MTHFD1L: variants seen among roughly 807,000 people sequenced by gnomAD.
MTHFD1L encodes methylenetetrahydrofolate dehydrogenase (NADP+ dependent) 1 like.
Under a neutral mutation model 119.5 loss-of-function variants are expected in MTHFD1L, and 81 were observed. The observed-to-expected ratio is 0.68, with a 90% CI of 0.57 to 0.82. MTHFD1L has a LOEUF of 0.82. Ranked by LOEUF, MTHFD1L falls within the 40% of genes least tolerant of loss-of-function variation. The pLI, the probability that MTHFD1L is intolerant of heterozygous loss-of-function variation, is 0.00. For missense variants in MTHFD1L, 1,125 were observed against 1,253.4 expected, an observed-to-expected ratio of 0.90 and a Z score of 1.55; for synonymous variants, 430 against 475.2, an observed-to-expected ratio of 0.90 and a Z score of 1.24.
chr6:151,061,609 A>T (rs1028769994), intron 26 of MTHFD1L, among the ~76,000 whole-genome samples: 2 of 152,176 alleles, frequency 1.3e-5, no homozygotes, highest in Admixed American at 1.3e-4. Context: ...GATCTGAAGC[A>T]TTTGTTGTAA....
chr6:151,014,392 T>C (rs550038684), intron 22 of MTHFD1L, among the ~76,000 whole-genome samples: 2 of 152,372 alleles, frequency 1.3e-5, no homozygotes, highest in Non-Finnish European at 2.9e-5. Flanking sequence ...GAAACAAATA[T>C]GAAGCTTACA....
chr6:150,909,831 G>C (rs968701251), intron 8 of MTHFD1L, among the ~76,000 whole-genome samples: 3 of 152,128 alleles, frequency 2.0e-5, no homozygotes, highest in Admixed American at 2.0e-4. Flanking sequence ...GATGTGCTGG[G>C]GGTCCCGAGG....
At chr6:150,938,434 GTA>G (rs371213406) in intron 12 of MTHFD1L, among the ~76,000 whole-genome samples, 305 of 152,108 alleles carry the variant, frequency 2.0e-3, no homozygotes, top group African/African-American at 6.8e-3. Context: ...TCATATCCTG[GTA>G]TGTTTTACAG....
rs1263397681 is a variant in MTHFD1L, at chr6:151,085,011, ATT to A, written c.2848-7454_2848-7453del. 2.1e-3 allele frequency among the ~76,000 whole-genome samples: 277 copies of A among 131,166 alleles called. 1 individual carries two copies. Among genetic ancestry groups the A allele is most frequent in the African/African-American group, 7.6e-3 (263 of 34,806 alleles). The allele number at this position is 131,166 out of a possible 152,430, so 86.0% of individuals were successfully genotyped here. A position where few individuals can be genotyped will look rare whatever the true frequency, so the allele number is the denominator to read the frequency against. ...TATATATATATATATATATGTATATATTTATATATGTATATACACACACACAC... is the reference window on the plus strand; with the variant it reads ...TATATATATATATATATATGTATATATATATATGTATATACACACACACAC... On this transcript the variant is annotated intron_variant, in intron 26 of 27. Coordinates refer to ENST00000367321, the MANE Select transcript of MTHFD1L (RefSeq NM_015440.5).
At chr6:150,883,785 C>T (rs1257172754) in intron 5 of MTHFD1L, among the ~76,000 whole-genome samples, 1 of 152,142 alleles carries the variant, frequency 6.6e-6, no homozygotes, top group Non-Finnish European at 1.5e-5. Context: ...CCCCATTTTC[C>T]TCCATGGAAA....
rs570715677 is a variant in MTHFD1L, at chr6:150,928,500, C to T, written c.1256+2205C>T. 2.7e-5 allele frequency among the ~76,000 whole-genome samples: 4 copies of T among 150,580 alleles called. No homozygotes were observed. In the South Asian group the frequency reaches 8.4e-4, roughly 32 times the overall value. On this transcript the variant is annotated intron_variant, in intron 11 of 27. Transcript: ENST00000367321. The stretch of plus-strand genomic sequence containing the variant: ...TAGTGATTTCTTCAAATCCTTTTTC[C>T]CTCCTCCTGTCCCACTTTCCTGTCC...
intron 24 of MTHFD1L, among the ~76,000 whole-genome samples, chr6:151,022,824 C>T (rs1373770212): frequency 2.0e-5 from 3 of 152,178 alleles, no homozygotes; most frequent in Non-Finnish European, 4.4e-5. Context: ...ATGCATCTCA[C>T]TCATAAACCT....
At chr6:150,878,255 C>CT (rs1298495483) in intron 4 of MTHFD1L, among the ~76,000 whole-genome samples, 1 of 148,898 alleles carries the variant, frequency 6.7e-6, no homozygotes, top group Admixed American at 6.6e-5. Flanking sequence ...CTCTCTCTCT[C>CT]TCTTTTTTTT....
At chr6:150,903,365 T>C in intron 7 of MTHFD1L, among the ~76,000 whole-genome samples, 1 of 151,850 alleles carries the variant, frequency 6.6e-6, no homozygotes, top group Admixed American at 6.6e-5. Flanking sequence ...TTTAGTGGTA[T>C]TTTGGCCCTG....
intron 25 of MTHFD1L, 97 bp from the exon 26 acceptor site, chr6:151,036,868 G>C: frequency 1.5e-6 from 2 of 1,311,660 alleles, no homozygotes; most frequent in African/African-American, 1.5e-5. Context: ...ATCTGAGCCG[G>C]CATACCATTG....
intron 26 of MTHFD1L, among the ~76,000 whole-genome samples, chr6:151,077,918 G>T (rs1484490338): frequency 1.3e-5 from 2 of 150,910 alleles, no homozygotes; most frequent in Non-Finnish European, 2.9e-5. Flanking sequence ...GGGCGTGGTG[G>T]CAGGCGCCTG....
chr6:150,896,500 T>C (rs1784243999), intron 7 of MTHFD1L, among the ~76,000 whole-genome samples: 1 of 152,148 alleles, frequency 6.6e-6, no homozygotes, highest in African/African-American at 2.4e-5. Flanking sequence ...TGGACCCTCC[T>C]GGGCATCACA....
chr6:150,923,550 T>C (rs957404619), intron 10 of MTHFD1L, among the ~76,000 whole-genome samples: 3 of 140,618 alleles, frequency 2.1e-5, no homozygotes, highest in African/African-American at 2.6e-5. Flanking sequence ...TTTTCTTTTT[T>C]TTTTTTTTTT....
At chr6:150,912,372 A>C (rs923678151) in intron 8 of MTHFD1L, among the ~76,000 whole-genome samples, 3 of 151,180 alleles carry the variant, frequency 2.0e-5, no homozygotes, top group African/African-American at 7.3e-5. Flanking sequence ...AACCTCGCAT[A>C]CATTTTGGGG....
chr6:150,957,632 T>C (rs761603104), intron 17 of MTHFD1L, among the ~76,000 whole-genome samples: 1 of 152,154 alleles, frequency 6.6e-6, no homozygotes, highest in Non-Finnish European at 1.5e-5. Context: ...GTAGAGATGG[T>C]TGCATATATT....
Position 150,865,859 on chromosome 6 carries a change from C to T in MTHFD1L, c.37C>T (p.Arg13Cys), listed in dbSNP as rs759989013. The T allele has an allele frequency of 1.5e-5, 18 of 1,220,856 alleles. No homozygotes were observed. The highest frequency in any genetic ancestry group is 9.2e-6 in the Non-Finnish European group (9 of 979,236). The allele number at this position is 1,220,856 out of a possible 1,614,324, so 75.6% of individuals were successfully genotyped here. Residue 13 changes from arginine to cysteine, a missense_variant, in exon 1 of 28, where the codon CGC becomes TGC. By Grantham distance (180) the Arg-to-Cys change is radical (BLOSUM62 -3). Coordinates refer to ENST00000367321, the MANE Select transcript of MTHFD1L (RefSeq NM_015440.5). ...TRLPLVLRQLRRPPQPPGPPR... is the reference protein window; with the variant it reads ...TRLPLVLRQLCRPPQPPGPPR... ...TCTGCCGCTCGTCCTGCGCCAGCTC[C>T]GCCGCCCGCCCCAGCCCCCGGGCCC...
chr6:150,914,415 C>T (rs576081870), intron 8 of MTHFD1L, among the ~76,000 whole-genome samples: 1 of 152,246 alleles, frequency 6.6e-6, no homozygotes, highest in South Asian at 2.1e-4. Context: ...ACGTAAAAAT[C>T]AGAAGGCCAA....
Position 150,915,689 on chromosome 6 carries a change from G to A in MTHFD1L, c.893-2888G>A, listed in dbSNP as rs115126564. 1.5e-3 allele frequency among the ~76,000 whole-genome samples: 232 copies of A among 152,164 alleles called. 2 individuals carry two copies. The highest frequency in any genetic ancestry group is 5.3e-3 in the African/African-American group (219 of 41,550). ...AATCTTGGCTCACTGCAGCCTCTGG[G>A]TCCCGAGGTCAAGCAATTCGCTGGC... On this transcript the variant is annotated intron_variant, in intron 8 of 27. Coordinates refer to ENST00000367321, the MANE Select transcript of MTHFD1L (RefSeq NM_015440.5).
chr6:151,088,283 C>T (rs1414843777), intron 26 of MTHFD1L: 2 of 152,192 alleles, frequency 1.3e-5, no homozygotes, highest in African/African-American at 4.8e-5. Flanking sequence ...CGTCTGTCGT[C>T]GCTTATCCCA....
Sources: allele counts gnomAD v4.1 joint callset (sites outside exome capture counted in the v4.1 genomes callset), GRCh38; gene constraint gnomAD v4.1.1; transcripts MANE v1.5; gene names NCBI Gene and HGNC (gene_info 2026-07-23, HGNC 2026-07-21).